PLA2G4F: variants seen among roughly 807,000 people sequenced by gnomAD.
PLA2G4F encodes cytosolic phospholipase A2 zeta.
PLA2G4F carries 105 observed loss-of-function variants against 103.1 expected under a neutral mutation model. The observed-to-expected ratio is 1.02, with a 90% CI of 0.87 to 1.20. PLA2G4F has a LOEUF of 1.20. PLA2G4F is among the 50% of genes most tolerant of loss of function. PLA2G4F has a pLI of 0.00. For missense variants in PLA2G4F, 1,155 were observed against 1,075.9 expected (o/e 1.07, Z -1.03); for synonymous variants, 468 against 441.1 (o/e 1.06, Z -0.76).
chr15:42,142,534 C>A lies in PLA2G4F; in HGVS notation c.2323G>T (p.Ala775Ser). 6.2e-7 allele frequency: 1 copy of A among 1,613,018 alleles called. No homozygotes were observed. Among genetic ancestry groups the A allele is most frequent in the Admixed American group, 1.7e-5 (1 of 59,912 alleles). Reference sequence around the variant, plus strand: ...GGCCTGGAGCTTCCCTTACCTGGGGCCAGGTGTGTGCGGAAGGTACGGTTA... The same window carrying A: ...GGCCTGGAGCTTCCCTTACCTGGGGACAGGTGTGTGCGGAAGGTACGGTTA... ...LVNRTFRTHL[A>S]PGVERQTAEE... Residue 775 changes from alanine to serine, a missense_variant, in exon 19 of 20, where the codon GCC (alanine) becomes TCC (serine). Physicochemically the swap from Ala to Ser is moderately conservative, Grantham distance 99 (BLOSUM62 1). This residue lies in a region of PLA2G4F where 782 missense variants were observed against 692.9 expected (regional missense o/e 1.13). Coordinates refer to ENST00000397272, the MANE Select transcript of PLA2G4F (RefSeq NM_213600.4).
At chr15:42,146,287 T>A in intron 13 of PLA2G4F, 46 bp from the exon 14 acceptor site, 1 of 1,567,256 alleles carries the variant, frequency 6.4e-7, no homozygotes, top group East Asian at 2.2e-5. Context: ...AGGAGTTCCA[T>A]TCCCCATCCC....
chr15:42,150,578 A>C (rs1408242615), intron 8 of PLA2G4F, 30 bp downstream of exon 8: 1 of 1,596,518 alleles, frequency 6.3e-7, no homozygotes, highest in Non-Finnish European at 8.5e-7. Context: ...GCTGAGTTGG[A>C]TCTACCGACC....
intron 4 of PLA2G4F, 119 bp downstream of exon 4, chr15:42,153,973 G>C: frequency 6.8e-6 from 10 of 1,462,780 alleles, no homozygotes; most frequent in Non-Finnish European, 9.3e-6. Context: ...AGGGCTGCGG[G>C]GTGGAGGAAG....
chr15:42,143,176 T>TA (rs56171986), intron 18 of PLA2G4F, among the ~76,000 whole-genome samples: 1,750 of 89,450 alleles, frequency 0.02, 180 homozygotes, highest in African/African-American at 0.065. Context: ...AGACTCCATC[T>TA]AAAAAAAAAA....
At chr15:42,145,070 G>C (rs900718280) in intron 16 of PLA2G4F, among the ~76,000 whole-genome samples, 1 of 152,200 alleles carries the variant, frequency 6.6e-6, no homozygotes, top group African/African-American at 2.4e-5. Flanking sequence ...CATAAAGAGA[G>C]AATAAATGAT....
At position 42,150,126 on chromosome 15, in the gene PLA2G4F, G is replaced by A. The variant is rs1454994549; in HGVS notation, c.901C>T (p.Leu301=). The change falls in exon 10 of 20, where the codon CTG becomes TTG. Residue 301 remains leucine (L), a synonymous_variant. Coordinates refer to ENST00000397272, the MANE Select transcript of PLA2G4F (RefSeq NM_213600.4). ...CACCTCATTTCCACCTTCATGCTCAGAGCCACCTCCTGGCCCTGAAAGACA... is the reference window on the plus strand; with the variant it reads ...CACCTCATTTCCACCTTCATGCTCAAAGCCACCTCCTGGCCCTGAAAGACA... ...VALGEGQEVA[L]SMKVEMSSGD... The A allele has an allele frequency of 6.2e-7, 1 of 1,614,188 alleles. No homozygotes were observed. The highest frequency in any genetic ancestry group is 1.7e-5 in the Admixed American group (1 of 60,026).
chr15:42,153,970 C>T lies in PLA2G4F; in HGVS notation c.450+122G>A, dbSNP rs146399528. 384 of 1,448,580 alleles carry T rather than the reference C, an allele frequency of 2.7e-4. 4 individuals carry two copies. The East Asian group carries it at 7.2e-3, about 27-fold the overall frequency. 89.7% of individuals were successfully genotyped at this position (1,448,580 alleles called of 1,614,324 possible). ...GGAGACCTTTATAGGGTCAGGGCTGCGGGGTGGAGGAAGGTCTGCCTTGGA... is the reference window on the plus strand; with the variant it reads ...GGAGACCTTTATAGGGTCAGGGCTGTGGGGTGGAGGAAGGTCTGCCTTGGA... On this transcript the variant is annotated intron_variant, in intron 4 of 19. Transcript: ENST00000397272.
In PLA2G4F at chr15:42,150,243, C is replaced by A. The variant is rs567747018; in HGVS notation, c.886-102G>T. ...CCTTGCTGCCCTGCGATCTCTGGCC[C>A]GATGTGGACATCATAACTGACCTCT... On this transcript the variant is annotated intron_variant, in intron 9 of 19. Coordinates refer to ENST00000397272, the MANE Select transcript of PLA2G4F (RefSeq NM_213600.4). The A allele has an allele frequency of 4.5e-6, 7 of 1,566,344 alleles. No homozygotes were observed. In the African/African-American group the frequency reaches 9.5e-5, roughly 21 times the overall value.
chr15:42,144,648 G>C lies in PLA2G4F; in HGVS notation c.1781-4C>G. 6.3e-7 allele frequency: 1 copy of C among 1,584,378 alleles called. No homozygotes were observed. Among genetic ancestry groups the C allele is most frequent in the Non-Finnish European group, 8.6e-7 (1 of 1,164,840 alleles). On this transcript the variant is annotated splice_region_variant and splice_polypyrimidine_tract_variant and intron_variant, in intron 16 of 19. Transcript: ENST00000397272. ...AGCTGAGGCTTCTGGCAGTCGTCTA[G>C]ACAGGGGCGGGACAGTGAAATAGAG...
chr15:42,150,039 G>A (rs370257164), intron 10 of PLA2G4F, 65 bp downstream of exon 10: 44 of 1,601,130 alleles, frequency 2.7e-5, no homozygotes, highest in African/African-American at 1.6e-4. Flanking sequence ...AATGGAGCAC[G>A]TTGGGGTATG....
At chr15:42,151,463 G>A (rs889779809) in intron 7 of PLA2G4F, 48 of 985,190 alleles carry the variant, frequency 4.9e-5, no homozygotes, top group Non-Finnish European at 5.5e-5. Context: ...AGAAATGGCT[G>A]CACATGACAT....
chr15:42,145,473 A>T, intron 16 of PLA2G4F, 102 bp downstream of exon 16: 1 of 1,199,904 alleles, frequency 8.3e-7, no homozygotes, highest in South Asian at 1.3e-5. Flanking sequence ...ATCCAGTGGG[A>T]CAGCCAAGTC....
chr15:42,153,610 C>T lies in PLA2G4F; in HGVS notation c.491+10G>A. ...GAGTCTCTGAGGGCGTTGGCTCTAC[C>T]AGAACTCACCTCTTCTCCAGAACAA... On this transcript the variant is annotated intron_variant, in intron 5 of 19. Transcript: ENST00000397272. 1 of 1,614,194 alleles carries T rather than the reference C, an allele frequency of 6.2e-7. No individual in the cohort carries two copies. The highest frequency in any genetic ancestry group is 8.5e-7 in the Non-Finnish European group (1 of 1,180,020).
intron 18 of PLA2G4F, among the ~76,000 whole-genome samples, chr15:42,142,919 G>A (rs984027814): frequency 6.6e-6 from 1 of 152,062 alleles, no homozygotes; most frequent in African/African-American, 2.4e-5. Flanking sequence ...GGTGGCTCAT[G>A]CCTGTAATCC....
At chr15:42,144,700 G>A in intron 16 of PLA2G4F, 56 bp from the exon 17 acceptor site, 1 of 1,476,782 alleles carries the variant, frequency 6.8e-7, no homozygotes, top group South Asian at 1.4e-5. Context: ...CCTTTGCCCA[G>A]TGGTCCTTAT....
In PLA2G4F at chr15:42,142,180, T is replaced by C. The variant is rs781604506; in HGVS notation, c.2354A>G (p.Glu785Gly). The change falls in exon 20 of 20, where the codon GAG becomes GGG. Residue 785 changes from glutamate (E) to glycine (G), a missense_variant. Around this residue, in one of 3 missense-constraint regions of PLA2G4F, gnomAD observed 782 missense variants for 692.9 expected, o/e 1.13. Transcript: ENST00000397272. ...GATGACAAAGTCCCCAAAGGCCTTC[T>C]CCTCAGCTGTTTGTCGCTCCACACC... Reference protein sequence around the residue: ...APGVERQTAEEKAFGDFVINR... With the variant: ...APGVERQTAEGKAFGDFVINR... 1.7e-5 allele frequency: 28 copies of C among 1,613,428 alleles called. No individual in the cohort carries two copies. In the South Asian group the frequency reaches 2.7e-4, roughly 16 times the overall value.
Position 42,146,162 on chromosome 15 carries a change from T to A in PLA2G4F, c.1499A>T (p.Asn500Ile), listed in dbSNP as rs956393982. ...QNPYPIYTSV[N>I]VRTNLSGEDF... ...TTCCCCACTCAAGTTGGTGCGGACGTTGACACTGGTGTAAATGGGGTAAGG... is the reference window on the plus strand; with the variant it reads ...TTCCCCACTCAAGTTGGTGCGGACGATGACACTGGTGTAAATGGGGTAAGG... Residue 500 changes from asparagine (N) to isoleucine (I), a missense_variant, in exon 14 of 20, where the codon AAC (asparagine) becomes ATC (isoleucine). By Grantham distance (149) the Asn-to-Ile change is moderately radical. Coordinates refer to ENST00000397272, the MANE Select transcript of PLA2G4F (RefSeq NM_213600.4). 8.1e-6 allele frequency: 13 copies of A among 1,614,226 alleles called. No individual in the cohort carries two copies. Among genetic ancestry groups the A allele is most frequent in the Middle Eastern group, 1.6e-4 (1 of 6,062 alleles).
chr15:42,142,566 G>C lies in PLA2G4F; in HGVS notation c.2291C>G (p.Pro764Arg), dbSNP rs745984185. The change falls in exon 19 of 20, where the codon CCC (proline) becomes CGC (arginine). Residue 764 changes from proline (P) to arginine (R), a missense_variant. Physicochemically the swap from Pro to Arg is moderately radical, Grantham distance 103 (BLOSUM62 -2). Coordinates refer to ENST00000397272, the MANE Select transcript of PLA2G4F (RefSeq NM_213600.4). The stretch of plus-strand genomic sequence containing the variant: ...TGTGCGGAAGGTACGGTTAACCAGG[G>C]GGAAGTGCAGCACAATGGGGGAGCG... ...DPRSPIVLHF[P>R]LVNRTFRTHL... 1.2e-6 allele frequency: 2 copies of C among 1,614,048 alleles called. No homozygotes were observed. The highest frequency in any genetic ancestry group is 1.7e-6 in the Non-Finnish European group (2 of 1,179,972).
intron 2 of PLA2G4F, 136 bp from the exon 3 acceptor site, chr15:42,154,594 G>A (rs1396884300): frequency 2.4e-5 from 24 of 989,492 alleles, no homozygotes; most frequent in South Asian, 6.1e-5. Context: ...GGGTGAGGAG[G>A]TGGAGGGAGA....
Sources: allele counts gnomAD v4.1 joint callset (sites outside exome capture counted in the v4.1 genomes callset), GRCh38; gene constraint gnomAD v4.1.1; regional missense constraint gnomAD v4.1.1; transcripts MANE v1.5; gene names NCBI Gene and HGNC (gene_info 2026-07-23, HGNC 2026-07-21).